The following TEX11 variants were observed in gnomAD, a reference collection of about 807,000 sequenced individuals.
TEX11 encodes the protein testis-expressed protein 11.
Under a neutral mutation model 84.4 loss-of-function variants are expected in TEX11, and 7 were observed. The ratio of observed to expected loss-of-function variants is 0.08; its 90% CI spans 0.05 to 0.16. TEX11 has a LOEUF of 0.16. TEX11 is among the 10% of genes least tolerant of loss of function. TEX11 has a pLI of 1.00. For missense variants in TEX11, 551 were observed against 660.5 expected, an observed-to-expected ratio of 0.83 and a Z score of 1.82; for synonymous variants, 264 against 222.8, an observed-to-expected ratio of 1.18 and a Z score of -1.64.
chrX:70,593,735 G>A (rs1010961191), intron 24 of TEX11, among the ~76,000 whole-genome samples: 3 of 111,455 alleles, frequency 2.7e-5, no homozygotes, highest in African/African-American at 9.8e-5. Context: ...TACAATAAAT[G>A]AAATTTTAAA....
chrX:70,744,004 T>C (rs1272201574), intron 10 of TEX11, among the ~76,000 whole-genome samples, 161 bp downstream of exon 10: 2 of 110,383 alleles, frequency 1.8e-5, no homozygotes, highest in African/African-American at 3.3e-5. Flanking sequence ...AGTTAGATTA[T>C]ATTATTATAT....
At chrX:70,595,080 T>G (rs1361685881) in intron 24 of TEX11, among the ~76,000 whole-genome samples, 1 of 111,505 alleles carries the variant, frequency 9.0e-6, no homozygotes, top group Non-Finnish European at 1.9e-5. Context: ...TACTTTCTTC[T>G]CTAAGTTTCT....
intron 9 of TEX11, among the ~76,000 whole-genome samples, chrX:70,772,855 G>A (rs1326794026): frequency 1.8e-5 from 2 of 110,240 alleles, no homozygotes; most frequent in African/African-American, 6.6e-5. Context: ...AACTAAAAAC[G>A]GCCATACAGA....
chrX:70,852,782 G>T (rs1482635416), intron 7 of TEX11, among the ~76,000 whole-genome samples: 1 of 111,439 alleles, frequency 9.0e-6, no homozygotes, highest in Non-Finnish European at 1.9e-5. Flanking sequence ...ATAAATAAAT[G>T]ACAGATGTTA....
chrX:70,878,190 T>TTTTTTTG (rs2091665015), intron 3 of TEX11, among the ~76,000 whole-genome samples: 1 of 100,885 alleles, frequency 9.9e-6, no homozygotes. Context: ...TTTTTTTTTT[T>TTTTTTTG]GAGACGGAGT....
At chrX:70,662,303 G>A (rs1201614799) in intron 16 of TEX11, among the ~76,000 whole-genome samples, 2 of 111,247 alleles carry the variant, frequency 1.8e-5, no homozygotes, top group African/African-American at 3.3e-5. Context: ...AGCGAGAAGA[G>A]AAGTTTAGAG....
intron 9 of TEX11, among the ~76,000 whole-genome samples, chrX:70,767,544 C>T (rs1243808098): frequency 9.0e-6 from 1 of 111,521 alleles, no homozygotes; most frequent in Non-Finnish European, 1.9e-5. Flanking sequence ...ATTAGTACAA[C>T]CACTATGGAG....
chrX:70,838,375 A>G (rs1006566510), intron 7 of TEX11, among the ~76,000 whole-genome samples: 1 of 112,106 alleles, frequency 8.9e-6, no homozygotes, highest in Non-Finnish European at 1.9e-5. Context: ...GTGAGCCAAG[A>G]TGGCACTACT....
intron 9 of TEX11, among the ~76,000 whole-genome samples, chrX:70,763,150 A>G (rs1162168212): frequency 1.8e-5 from 2 of 112,698 alleles, no homozygotes; most frequent in Admixed American, 1.9e-4. Flanking sequence ...ACACATACAC[A>G]TTTTTATAGC....
intron 8 of TEX11, among the ~76,000 whole-genome samples, chrX:70,832,878 C>G (rs183074808): frequency 9.0e-6 from 1 of 110,582 alleles, no homozygotes; most frequent in African/African-American, 3.4e-5. Context: ...AGCAGACAAA[C>G]TCATTTTTTT....
rs374190002 is a variant in TEX11 at position 70,588,904 on chromosome X, T to A, written c.2140+2847A>T. Among the ~76,000 whole-genome samples the A allele has an allele frequency of 3.1e-5, 3 of 96,167 alleles. No homozygotes were observed. In the East Asian group the frequency reaches 9.5e-4, roughly 31 times the overall value. The allele number at this position is 96,167 out of a possible 115,157, so 83.5% of individuals were successfully genotyped here. ...GCTATGATTGTGCCACTGCACTCCA[T>A]CCTAAGCAACAGACCAAAACCCCAA... On this transcript the variant is annotated intron_variant, in intron 25 of 29. Transcript: ENST00000374333.
intron 18 of TEX11, among the ~76,000 whole-genome samples, chrX:70,628,262 A>G (rs759605313): frequency 9.1e-6 from 1 of 110,379 alleles, no homozygotes; most frequent in African/African-American, 3.3e-5. Flanking sequence ...ACATCAGGCA[A>G]AACATCTGGA....
the TEX11 span, among the ~76,000 whole-genome samples, chrX:70,520,549 A>G: frequency 2.7e-5 from 3 of 112,080 alleles, no homozygotes; most frequent in African/African-American, 6.5e-5. Flanking sequence ...TGATGTGTCA[A>G]TTGGCCCCCA....
At chrX:70,848,356 A>C in intron 7 of TEX11, among the ~76,000 whole-genome samples, 1 of 111,617 alleles carries the variant, frequency 9.0e-6, no homozygotes. Flanking sequence ...TGCCTATATG[A>C]CTTTGCTCTG....
At chrX:70,738,838 C>A (rs1046881868) in intron 11 of TEX11, among the ~76,000 whole-genome samples, 2 of 111,220 alleles carry the variant, frequency 1.8e-5, no homozygotes, top group Non-Finnish European at 3.8e-5. Context: ...TCTCAGCAAA[C>A]TAACACAGGA....
At chrX:70,777,668 T>C (rs1323252405) in intron 9 of TEX11, among the ~76,000 whole-genome samples, 1 of 110,561 alleles carries the variant, frequency 9.0e-6, no homozygotes. Flanking sequence ...ACAGCAATTA[T>C]AAATAATAAA....
At chrX:70,604,409 G>A (rs1034682556) in intron 24 of TEX11, among the ~76,000 whole-genome samples, 1 of 110,825 alleles carries the variant, frequency 9.0e-6, no homozygotes, top group Non-Finnish European at 1.9e-5. Context: ...AAAATAAAAA[G>A]ACTCTTAAAA....
chrX:70,800,936 A>G (rs2091184115), intron 9 of TEX11, among the ~76,000 whole-genome samples: 1 of 111,432 alleles, frequency 9.0e-6, no homozygotes, highest in East Asian at 2.8e-4. Context: ...TCTAAGCAGC[A>G]AATACAAATT....
chrX:70,530,149 G>A, intron 28 of TEX11, 150 bp from the exon 29 acceptor site: 2 of 485,569 alleles, frequency 4.1e-6, no homozygotes, highest in Non-Finnish European at 3.3e-6. Flanking sequence ...GAGTGCAGGA[G>A]GAGAGCACTT....
Sources: gnomAD v4.1 joint callset for allele counts (sites outside exome capture counted in the v4.1 genomes callset) on GRCh38, gnomAD v4.1.1 for gene constraint, MANE v1.5 for transcripts, NCBI Gene and HGNC (gene_info 2026-07-23, HGNC 2026-07-21) for gene names.